Variants in PDE1C observed in about 807,000 individuals in gnomAD.
The protein encoded by PDE1C is phosphodiesterase 1C.
A neutral mutation model predicts 93.1 loss-of-function variants in PDE1C; 62 were observed. That is an observed-to-expected ratio of 0.67 (90% CI 0.54 to 0.82). The LOEUF is 0.82. PDE1C is among the 40% of genes least tolerant of loss of function. The probability of loss-of-function intolerance (pLI) is 0.00; values close to 1 mark genes in which losing one functional copy is unlikely to be tolerated. For missense variants in PDE1C, 742 were observed against 884.6 expected, an observed-to-expected ratio of 0.84 and a Z score of 2.04; for synonymous variants, 325 against 310.1, an observed-to-expected ratio of 1.05 and a Z score of -0.50.
chr7:32,213,350 T>G (rs1806192711), intron 1 of PDE1C, among the ~76,000 whole-genome samples: 1 of 152,218 alleles, frequency 6.6e-6, no homozygotes, highest in Admixed American at 6.5e-5. Flanking sequence ...TCGGTGGCTC[T>G]GCCTCCTGGA....
At chr7:32,079,672 C>T (rs1796545576) in intron 3 of PDE1C, among the ~76,000 whole-genome samples, 1 of 152,222 alleles carries the variant, frequency 6.6e-6, no homozygotes. Context: ...CACACGGTTT[C>T]TCCTCGTGGT....
chr7:32,325,586 C>T (rs1323002526), intron 1 of PDE1C, among the ~76,000 whole-genome samples: 1 of 152,230 alleles, frequency 6.6e-6, no homozygotes, highest in East Asian at 1.9e-4. Flanking sequence ...AATCCAAGAT[C>T]TAAGATGCAG....
At chr7:31,824,184 A>G (rs1343059042) in intron 13 of PDE1C, among the ~76,000 whole-genome samples, 2 of 152,176 alleles carry the variant, frequency 1.3e-5, no homozygotes, top group Admixed American at 6.5e-5. Context: ...CAAGGAGATT[A>G]GTAGTAGTCG....
At chr7:31,721,139 T>C in the PDE1C span, among the ~76,000 whole-genome samples, 1 of 152,268 alleles carries the variant, frequency 6.6e-6, no homozygotes, top group East Asian at 1.9e-4. Context: ...GTCCATTGTA[T>C]CTGAAGCTCA....
chr7:32,373,954 G>A (rs568085679), intron 1 of PDE1C, among the ~76,000 whole-genome samples: 5 of 151,786 alleles, frequency 3.3e-5, no homozygotes, highest in East Asian at 3.9e-4. Context: ...CCAAGATCGC[G>A]CCACTGCACT....
intron 3 of PDE1C, among the ~76,000 whole-genome samples, chr7:32,138,530 G>T (rs541063171): frequency 6.6e-6 from 1 of 152,062 alleles, no homozygotes; most frequent in African/African-American, 2.4e-5. Flanking sequence ...TCATCTGGCC[G>T]TAATGAAGGT....
rs749289791 is a variant in PDE1C at position 31,809,018 on chromosome 7, A to ATC, written c.1891+12_1891+13insGA. 6.9e-7 allele frequency: 1 copy of ATC among 1,459,338 alleles called. No homozygotes were observed. Among genetic ancestry groups the ATC allele is most frequent in the Non-Finnish European group, 9.6e-7 (1 of 1,041,482 alleles). The allele number at this position is 1,459,338 out of a possible 1,614,324, so 90.4% of individuals were successfully genotyped here. On this transcript the variant is annotated intron_variant, in intron 16 of 17. Coordinates refer to ENST00000396191, the MANE Select transcript of PDE1C (RefSeq NM_001191057.4). The stretch of plus-strand genomic sequence containing the variant: ...CATTTTATGGAAAAATGTAATGAGA[A>ATC]TAATACTCTTACCATCTGTTTTCTT...
chr7:32,298,047 T>C (rs1585094439), intron 1 of PDE1C, among the ~76,000 whole-genome samples: 3 of 78,068 alleles, frequency 3.8e-5, no homozygotes, highest in Non-Finnish European at 7.4e-5. Context: ...TCTCTCTCTC[T>C]CTCTCTCTCT....
At chr7:32,320,508 A>C (rs1444739656) in intron 1 of PDE1C, among the ~76,000 whole-genome samples, 2 of 151,208 alleles carry the variant, frequency 1.3e-5, no homozygotes, top group African/African-American at 4.8e-5. Flanking sequence ...GTACCCCTGA[A>C]CTTAAAAGTG....
intron 2 of PDE1C, among the ~76,000 whole-genome samples, chr7:32,001,799 C>A (rs1283525824): frequency 6.6e-6 from 1 of 152,206 alleles, no homozygotes; most frequent in Non-Finnish European, 1.5e-5. Flanking sequence ...GCTGGGCACA[C>A]CTGTAATCCC....
intron 3 of PDE1C, among the ~76,000 whole-genome samples, chr7:32,140,590 G>A (rs2128780040): frequency 6.6e-6 from 1 of 152,324 alleles, no homozygotes; most frequent in East Asian, 1.9e-4. Flanking sequence ...TGAGAAAGCA[G>A]GCTTTGAAGC....
At position 32,406,531 on chromosome 7, in the gene PDE1C, C is replaced by CAA. The variant is rs5883350; in HGVS notation, c.310+21289_310+21290dup. Reference sequence around the variant, plus strand: ...TTTACACCAAAACACCTCCATAATGCAAAAAAAAAAAAAAAAAATTGGAAT... The same window carrying CAA: ...TTTACACCAAAACACCTCCATAATGCAAAAAAAAAAAAAAAAAAAATTGGAAT... On this transcript the variant is annotated intron_variant, in intron 1 of 1. Coordinates refer to the PDE1C transcript ENST00000672256. Among the ~76,000 whole-genome samples, 256 of 133,254 alleles carry CAA rather than the reference C, an allele frequency of 1.9e-3. 1 individual carries two copies. Among genetic ancestry groups the CAA allele is most frequent in the African/African-American group, 6.6e-3 (235 of 35,840 alleles). The allele number at this position is 133,254 out of a possible 152,430, so 87.4% of individuals were successfully genotyped here.
intron 1 of PDE1C, among the ~76,000 whole-genome samples, chr7:32,340,757 T>C (rs1405732291): frequency 1.3e-5 from 2 of 152,126 alleles, no homozygotes; most frequent in African/African-American, 2.4e-5. Context: ...CTAAATACTA[T>C]ATGATTCCAA....
rs896018421 is a variant in PDE1C, at chr7:31,758,562, A to G, written c.1961-5009T>C. Among the ~76,000 whole-genome samples the G allele has an allele frequency of 3.3e-5, 5 of 152,214 alleles. No homozygotes were observed. In the South Asian group the frequency reaches 1.0e-3, roughly 31 times the overall value. ...AATAAAAAGTGTTCAGGTATAAATTATGCTATGGCTACAAGCTCCTTAATA... is the reference window on the plus strand; with the variant it reads ...AATAAAAAGTGTTCAGGTATAAATTGTGCTATGGCTACAAGCTCCTTAATA... On this transcript the variant is annotated intron_variant, in intron 17 of 17. Coordinates refer to ENST00000396191, the MANE Select transcript of PDE1C (RefSeq NM_001191057.4).
chr7:32,267,197 G>C (rs2128883742), intron 1 of PDE1C, among the ~76,000 whole-genome samples: 1 of 152,356 alleles, frequency 6.6e-6, no homozygotes, highest in Non-Finnish European at 1.5e-5. Context: ...TGAGTGCAAG[G>C]AGACCGGGTC....
intron 2 of PDE1C, among the ~76,000 whole-genome samples, chr7:31,923,434 G>A (rs976247960): frequency 5.9e-5 from 9 of 152,166 alleles, no homozygotes; most frequent in African/African-American, 2.2e-4. Context: ...CCCCAGGTGA[G>A]TCTAAGGTAT....
chr7:31,717,051 C>T, the PDE1C span, among the ~76,000 whole-genome samples: 2 of 152,158 alleles, frequency 1.3e-5, no homozygotes. Context: ...AACTTGGAAA[C>T]CTGACAATTT....
intron 14 of PDE1C, among the ~76,000 whole-genome samples, chr7:31,821,985 G>T (rs1268141867): frequency 6.6e-6 from 1 of 152,106 alleles, no homozygotes; most frequent in Non-Finnish European, 1.5e-5. Context: ...GGGATAATGT[G>T]TTTTTGTCTG....
At chr7:32,188,638 T>C (rs937475709) in intron 2 of PDE1C, among the ~76,000 whole-genome samples, 1 of 152,180 alleles carries the variant, frequency 6.6e-6, no homozygotes, top group Admixed American at 6.5e-5. Flanking sequence ...TTCTCATTTC[T>C]TTGGGGGAAT....
Sources: allele counts gnomAD v4.1 joint callset (sites outside exome capture counted in the v4.1 genomes callset), GRCh38; gene constraint gnomAD v4.1.1; transcripts MANE v1.5; gene names NCBI Gene and HGNC (gene_info 2026-07-23, HGNC 2026-07-21).